UQCC1: variants seen among roughly 807,000 people sequenced by gnomAD.
UQCC1 encodes the protein bFGF-repressed Zic-binding protein.
A neutral mutation model predicts 48.0 loss-of-function variants in UQCC1; 38 were observed. That is an observed-to-expected ratio of 0.79 (90% confidence interval 0.61 to 1.04). The LOEUF (loss-of-function observed/expected upper bound fraction) is 1.04. Among genes scored for constraint, UQCC1 ranks in the 50% least tolerant of loss-of-function variants. The probability of loss-of-function intolerance (pLI) is 0.00; values close to 1 mark genes in which losing one functional copy is unlikely to be tolerated. For synonymous variants in UQCC1, 111 were observed against 129.2 expected (o/e 0.86, Z 0.95); for missense variants, 368 against 381.8 (o/e 0.96, Z 0.30).
intron 6 of UQCC1, among the ~76,000 whole-genome samples, chr20:35,361,093 A>T (rs1350305707): frequency 6.6e-6 from 1 of 152,086 alleles, no homozygotes; most frequent in Admixed American, 6.5e-5. Context: ...CCATGGAACT[A>T]CTTAACAGTC....
intron 7 of UQCC1, 24 bp from the exon 8 acceptor site, chr20:35,314,789 A>C: frequency 6.4e-7 from 1 of 1,569,108 alleles, no homozygotes; most frequent in East Asian, 2.3e-5. Flanking sequence ...TGGCAAAAAC[A>C]AAAGTTTGAA....
intron 6 of UQCC1, among the ~76,000 whole-genome samples, chr20:35,354,542 G>A (rs1446251234): frequency 6.6e-6 from 1 of 152,026 alleles, no homozygotes; most frequent in Admixed American, 6.6e-5. Context: ...GACTACAGGT[G>A]CCCGCCACCA....
intron 7 of UQCC1, among the ~76,000 whole-genome samples, chr20:35,339,397 C>T (rs2061353184): frequency 6.6e-6 from 1 of 152,042 alleles, no homozygotes; most frequent in Non-Finnish European, 1.5e-5. Flanking sequence ...CTGGAAAAAG[C>T]TTCTTGGAGG....
At chr20:35,361,116 A>G (rs6087698) in intron 6 of UQCC1, among the ~76,000 whole-genome samples, 82,388 of 151,640 alleles carry the variant, frequency 0.54, 23,414 homozygotes, top group East Asian at 0.72. Context: ...TTTTCAGTGG[A>G]CATGTTGTGA....
chr20:35,407,010 T>G (rs1021853598), intron 1 of UQCC1, among the ~76,000 whole-genome samples: 2 of 152,152 alleles, frequency 1.3e-5, no homozygotes, highest in African/African-American at 4.8e-5. Flanking sequence ...GTACACAAAT[T>G]AGCTCAAAAT....
At chr20:35,389,221 G>A (rs2061984252) in intron 2 of UQCC1, among the ~76,000 whole-genome samples, 1 of 152,152 alleles carries the variant, frequency 6.6e-6, no homozygotes, top group African/African-American at 2.4e-5. Flanking sequence ...GGGGCATGTA[G>A]AAAGGCGTTC....
chr20:35,398,607 A>G (rs1221372620), intron 1 of UQCC1, among the ~76,000 whole-genome samples: 1 of 152,136 alleles, frequency 6.6e-6, no homozygotes, highest in Non-Finnish European at 1.5e-5. Flanking sequence ...ATCAGTTGAA[A>G]TGGTTTTCCA....
intron 7 of UQCC1, among the ~76,000 whole-genome samples, chr20:35,341,491 G>GCTTC: frequency 6.6e-6 from 1 of 152,240 alleles, no homozygotes; most frequent in South Asian, 2.1e-4. Context: ...TGCAGGACTG[G>GCTTC]CTTCCTTCAT....
At position 35,333,205 on chromosome 20, in the gene UQCC1, T is replaced by C. The variant is rs551799632; in HGVS notation, c.573+13959A>G. 1.2e-3 allele frequency among the ~76,000 whole-genome samples: 180 copies of C among 152,338 alleles called. 1 individual carries two copies. Among genetic ancestry groups the C allele is most frequent in the Non-Finnish European group, 1.7e-3 (118 of 68,026 alleles). On this transcript the variant is annotated intron_variant, in intron 7 of 9. Transcript: ENST00000374385. ...CCACAGCCAAGTCCTTTAAGTTTTC[T>C]GCTCCTTGGTTCTCCTCAGTTGTAA...
At chr20:35,333,362 TA>T (rs1346932817) in intron 7 of UQCC1, among the ~76,000 whole-genome samples, 2 of 152,150 alleles carry the variant, frequency 1.3e-5, no homozygotes, top group Admixed American at 6.5e-5. Context: ...AGAAAAGACT[TA>T]AGTAATAAAG....
rs773150446 is a variant in UQCC1, at chr20:35,338,569, G to A, written c.573+8595C>T. Among the ~76,000 whole-genome samples the A allele has an allele frequency of 2.0e-5, 3 of 151,614 alleles. No homozygotes were observed. In the East Asian group the frequency reaches 5.8e-4, roughly 29 times the overall value. ...TATGTATTAGAAATCTTTTGGGGCC[G>A]GGCACGGGGGCTCATGCCTGTAATC... On this transcript the variant is annotated intron_variant, in intron 7 of 9. Coordinates refer to ENST00000374385, the MANE Select transcript of UQCC1 (RefSeq NM_018244.5).
intron 6 of UQCC1, among the ~76,000 whole-genome samples, chr20:35,349,601 A>G (rs1211058211): frequency 6.6e-6 from 1 of 151,546 alleles, no homozygotes; most frequent in Non-Finnish European, 1.5e-5. Context: ...ATTTTAAGAA[A>G]TAGGAGGACT....
At chr20:35,372,245 G>T (rs1467437412) in intron 5 of UQCC1, among the ~76,000 whole-genome samples, 2 of 150,516 alleles carry the variant, frequency 1.3e-5, no homozygotes, top group African/African-American at 4.9e-5. Flanking sequence ...GGAGGCAGAG[G>T]TTGCAGTGAG....
At chr20:35,307,115 C>T (rs1179750699) in intron 8 of UQCC1, 1 of 386,350 alleles carries the variant, frequency 2.6e-6, no homozygotes, top group Non-Finnish European at 4.9e-6. Context: ...ACAGTAGCAG[C>T]AATGCTCCCC....
At chr20:35,396,943 T>C (rs559677012) in intron 1 of UQCC1, among the ~76,000 whole-genome samples, 2 of 152,244 alleles carry the variant, frequency 1.3e-5, no homozygotes, top group African/African-American at 4.8e-5. Context: ...ATAAATTGCT[T>C]GAAAATCCTT....
intron 8 of UQCC1, among the ~76,000 whole-genome samples, chr20:35,313,148 G>A (rs977388421): frequency 6.6e-5 from 10 of 151,938 alleles, no homozygotes; most frequent in Non-Finnish European, 1.3e-4. Context: ...AGGCCGAGGC[G>A]GGCAGATCAC....
chr20:35,348,503 C>T (rs1414577738), intron 6 of UQCC1, among the ~76,000 whole-genome samples: 3 of 152,148 alleles, frequency 2.0e-5, no homozygotes, highest in Non-Finnish European at 2.9e-5. Context: ...CATTCTCCTG[C>T]TTCAGCCTCC....
intron 1 of UQCC1, among the ~76,000 whole-genome samples, chr20:35,407,964 G>A (rs1262931908): frequency 6.6e-6 from 1 of 152,112 alleles, no homozygotes; most frequent in African/African-American, 2.4e-5. Context: ...AGAGGTTGCG[G>A]TGAGCCGAGA....
At chr20:35,307,157 T>G in intron 8 of UQCC1, 3 of 333,486 alleles carry the variant, frequency 9.0e-6, no homozygotes, top group South Asian at 5.4e-5. Flanking sequence ...CTCCCCCTGC[T>G]GTCCACAGGG....
Sources: allele counts gnomAD v4.1 joint callset (sites outside exome capture counted in the v4.1 genomes callset), GRCh38; gene constraint gnomAD v4.1.1; transcripts MANE v1.5; gene names NCBI Gene and HGNC (gene_info 2026-07-23, HGNC 2026-07-21).